CCDC171: variants seen among roughly 807,000 people sequenced by gnomAD.
CCDC171 encodes coiled-coil domain containing 171.
Under a neutral mutation model 168.2 loss-of-function variants are expected in CCDC171, and 177 were observed. The ratio of observed to expected loss-of-function variants is 1.05; its 90% confidence interval spans 0.93 to 1.19. The LOEUF (loss-of-function observed/expected upper bound fraction) is 1.19. Ranked by LOEUF, CCDC171 falls within the 50% of genes most tolerant of loss-of-function variation. The probability of loss-of-function intolerance (pLI) is 0.00; values close to 1 mark genes in which losing one functional copy is unlikely to be tolerated. For missense variants in CCDC171, 1,991 were observed against 1,539.0 expected (o/e 1.29, Z -4.91); for synonymous variants, 687 against 540.8 (o/e 1.27, Z -3.75).
At position 15,801,152 on chromosome 9, in the gene CCDC171, G is replaced by T. The variant is rs566804874; in HGVS notation, c.3267+16458G>T. 2.7e-3 allele frequency among the ~76,000 whole-genome samples: 412 copies of T among 151,922 alleles called. 1 individual carries two copies. Among genetic ancestry groups the T allele is most frequent in the Non-Finnish European group, 4.7e-3 (322 of 67,870 alleles). On this transcript the variant is annotated intron_variant, in intron 21 of 25. Transcript: ENST00000380701. The stretch of plus-strand genomic sequence containing the variant: ...TTTTTTTTCTATTTGTATGAAGAAT[G>T]TTATTGGTATTTTTATAGGGATTGC...
At chr9:15,943,225 A>G (rs984089228) in intron 25 of CCDC171, among the ~76,000 whole-genome samples, 1 of 151,958 alleles carries the variant, frequency 6.6e-6, no homozygotes, top group East Asian at 1.9e-4. Flanking sequence ...GCAGTGTGGT[A>G]TTTTCATCAG....
At chr9:15,891,145 G>A (rs970112943) in intron 24 of CCDC171, among the ~76,000 whole-genome samples, 1 of 152,144 alleles carries the variant, frequency 6.6e-6, no homozygotes, top group South Asian at 2.1e-4. Context: ...AATTATGGAT[G>A]TACTTTGCTG....
chr9:15,733,185 TGA>T (rs2054260914), intron 16 of CCDC171, among the ~76,000 whole-genome samples: 1 of 152,180 alleles, frequency 6.6e-6, no homozygotes, highest in African/African-American at 2.4e-5. Context: ...CGTCAAATTT[TGA>T]GAGTTATTTA....
chr9:15,800,985 C>T (rs1170648656), intron 21 of CCDC171, among the ~76,000 whole-genome samples: 1 of 151,992 alleles, frequency 6.6e-6, no homozygotes, highest in Admixed American at 6.6e-5. Context: ...GTTTTTATGC[C>T]AGTACCATGC....
At chr9:15,775,935 A>C (rs2057299986) in intron 18 of CCDC171, among the ~76,000 whole-genome samples, 1 of 152,206 alleles carries the variant, frequency 6.6e-6, no homozygotes, top group East Asian at 1.9e-4. Flanking sequence ...AATAATTGCA[A>C]GGTAGTTGGA....
chr9:16,063,316 T>G (rs1288087159), downstream of CCDC171, among the ~76,000 whole-genome samples: 1 of 152,050 alleles, frequency 6.6e-6, no homozygotes, highest in Admixed American at 6.5e-5. Flanking sequence ...GGCGGGCAGG[T>G]GGGGACAGGC....
rs77911693 is a variant in CCDC171, at chr9:15,890,132, C to T, written c.3600+15469C>T. ...AGCACCTACCAAATGTAGGGCATTG[C>T]GCTGTACTCTGGGACACAAAGGTAA... On this transcript the variant is annotated intron_variant, in intron 24 of 25. Transcript: ENST00000380701. Among the ~76,000 whole-genome samples the T allele has an allele frequency of 6.0e-3, 907 of 151,708 alleles. 13 individuals carry two copies. The highest frequency in any genetic ancestry group is 0.02 in the African/African-American group (820 of 41,330).
chr9:15,872,477 A>G (rs1412085169), intron 23 of CCDC171, among the ~76,000 whole-genome samples: 2 of 152,016 alleles, frequency 1.3e-5, no homozygotes, highest in African/African-American at 2.4e-5. Context: ...TGTGGATTAT[A>G]CTTACATTGC....
intron 11 of CCDC171, among the ~76,000 whole-genome samples, chr9:15,699,915 T>G (rs11791627): frequency 6.6e-6 from 1 of 151,226 alleles, no homozygotes; most frequent in African/African-American, 2.4e-5. Context: ...GGTGTATTTA[T>G]ATTCCCTGAG....
intron 24 of CCDC171, among the ~76,000 whole-genome samples, chr9:15,911,219 C>G (rs1823584496): frequency 2.0e-5 from 3 of 152,186 alleles, no homozygotes; most frequent in Admixed American, 6.5e-5. Context: ...TGTTTCCTGA[C>G]TTTTTAATGA....
chr9:15,591,499 C>A lies in CCDC171; in HGVS notation c.486C>A (p.Cys162Ter), dbSNP rs759636272. 1 of 1,603,588 alleles carries A rather than the reference C, an allele frequency of 6.2e-7. No homozygotes were observed. The highest frequency in any genetic ancestry group is 8.5e-7 in the Non-Finnish European group (1 of 1,174,300). Residue 162 changes from cysteine (C) to a stop codon, truncating the protein, a stop_gained, in exon 5 of 26, where the codon TGC (cysteine) becomes TGA (stop). Transcript: ENST00000380701. LOFTEE classifies it high-confidence loss of function. Reference sequence around the variant, plus strand: ...AAAGAGACAATATGATCCAAAATTGCAATCGAGAATATGATTTACTTATGA... The same window carrying A: ...AAAGAGACAATATGATCCAAAATTGAAATCGAGAATATGATTTACTTATGA... ...LEERDNMIQN[C>*]NREYDLLMKE...
chr9:16,009,723 C>T (rs192630192), intron 3 of CCDC171, among the ~76,000 whole-genome samples: 48 of 152,104 alleles, frequency 3.2e-4, no homozygotes, highest in Non-Finnish European at 5.6e-4. Context: ...GACATGCATT[C>T]GTTTTTTTAA....
chr9:16,046,670 T>A (rs1182112505), intron 1 of CCDC171, among the ~76,000 whole-genome samples: 2 of 152,136 alleles, frequency 1.3e-5, no homozygotes, highest in Non-Finnish European at 2.9e-5. Context: ...AGTGAATAAG[T>A]CTCATGAGAT....
At chr9:15,950,027 G>A (rs1178732655) in intron 25 of CCDC171, among the ~76,000 whole-genome samples, 2 of 152,018 alleles carry the variant, frequency 1.3e-5, no homozygotes, top group African/African-American at 2.4e-5. Flanking sequence ...GAGTATCAGC[G>A]ATGGAAGATG....
chr9:15,602,455 G>A lies in CCDC171; in HGVS notation c.675+8283G>A, dbSNP rs549453485. Among the ~76,000 whole-genome samples the A allele has an allele frequency of 3.1e-4, 47 of 151,250 alleles. No individual in the cohort carries two copies. In the Middle Eastern group the frequency reaches 0.01, roughly 33 times the overall value. The stretch of plus-strand genomic sequence containing the variant: ...CTTGTTATAATATTTCTCTCATCTG[G>A]GCTTTAGAATTCAGACCCACCATAA... On this transcript the variant is annotated intron_variant, in intron 6 of 25. Coordinates refer to ENST00000380701, the MANE Select transcript of CCDC171 (RefSeq NM_173550.4).
intron 18 of CCDC171, among the ~76,000 whole-genome samples, chr9:15,758,904 A>G (rs7854094): frequency 0.9 from 136,931 of 152,142 alleles, 61,903 homozygotes; most frequent in Non-Finnish European, 0.94. Context: ...ATGTGGAACT[A>G]TAAGTGCAAT....
intron 24 of CCDC171, among the ~76,000 whole-genome samples, chr9:15,889,267 G>A (rs1819878345): frequency 6.6e-6 from 1 of 151,948 alleles, no homozygotes; most frequent in Non-Finnish European, 1.5e-5. Flanking sequence ...GAAAAATCCT[G>A]AACTGAGAAA....
intron 3 of CCDC171, among the ~76,000 whole-genome samples, chr9:15,996,872 G>A (rs1374375988): frequency 6.6e-6 from 1 of 152,144 alleles, no homozygotes; most frequent in Admixed American, 6.5e-5. Flanking sequence ...ACCAGCTAAT[G>A]AATATGGCAC....
chr9:15,885,658 CA>C (rs773791245), intron 24 of CCDC171: 1 of 152,138 alleles, frequency 6.6e-6, no homozygotes, highest in Non-Finnish European at 1.5e-5. Flanking sequence ...CTCTTAATGT[CA>C]GTTTTCTTTG....
Sources: gnomAD v4.1 joint callset for allele counts (sites outside exome capture counted in the v4.1 genomes callset) on GRCh38, gnomAD v4.1.1 for gene constraint, MANE v1.5 for transcripts, NCBI Gene and HGNC (gene_info 2026-07-23, HGNC 2026-07-21) for gene names.